Variants in SBF2 observed in about 807,000 individuals in gnomAD.
SBF2 encodes the protein SET binding factor 2, also known as myotubularin-related protein 13.
SBF2 carries 112 observed loss-of-function variants against 225.2 expected under a neutral mutation model. The observed-to-expected ratio is 0.50, with a 90% CI of 0.43 to 0.58. The LOEUF (loss-of-function observed/expected upper bound fraction) is 0.58. SBF2 is among the 20% of genes least tolerant of loss of function. The pLI is 0.00. For missense variants in SBF2, 1,996 were observed against 2,206.2 expected, an observed-to-expected ratio of 0.90 and a Z score of 1.91; for synonymous variants, 763 against 773.3, an observed-to-expected ratio of 0.99 and a Z score of 0.22.
intron 27 of SBF2, among the ~76,000 whole-genome samples, chr11:9,830,434 G>A (rs946008790): frequency 6.6e-6 from 1 of 152,028 alleles, no homozygotes; most frequent in African/African-American, 2.4e-5. Flanking sequence ...AAGATGCATT[G>A]CAATTTCAAA....
chr11:9,998,334 G>C lies in SBF2; in HGVS notation c.907C>G (p.Pro303Ala), dbSNP rs748766884. Residue 303 changes from proline to alanine, a missense_variant, in exon 9 of 40, where the codon CCC becomes GCC. Transcript: ENST00000256190. ...AGGGAAGAGAGGTGAATACATTCGG[G>C]AATTTTAATAGTGCCTCCATCCAAA... is the stretch of plus-strand genomic sequence containing the variant. ...ADLDGGTIKI[P>A]ECIHLSSLPE... The C allele has an allele frequency of 6.2e-7, 1 of 1,608,634 alleles. No homozygotes were observed. Among genetic ancestry groups the C allele is most frequent in the South Asian group, 1.1e-5 (1 of 90,740 alleles).
intron 8 of SBF2, among the ~76,000 whole-genome samples, chr11:9,999,750 A>T (rs559393139): frequency 3.3e-5 from 5 of 152,348 alleles, no homozygotes; most frequent in African/African-American, 1.2e-4. Flanking sequence ...AGTGATACCA[A>T]AATTAAATAG....
chr11:10,169,056 ATTTTTAT>A (rs1956088300), intron 2 of SBF2, among the ~76,000 whole-genome samples: 1 of 152,072 alleles, frequency 6.6e-6, no homozygotes, highest in African/African-American at 2.4e-5. Flanking sequence ...TGAATTTTTA[ATTTTTAT>A]GGGTACACAG....
At chr11:10,118,207 T>C (rs1403272930) in intron 2 of SBF2, among the ~76,000 whole-genome samples, 1 of 152,202 alleles carries the variant, frequency 6.6e-6, no homozygotes, top group Non-Finnish European at 1.5e-5. Context: ...CATCAGCAAA[T>C]TGAGTTCAGC....
chr11:10,026,124 TC>T (rs1949045463), intron 6 of SBF2, among the ~76,000 whole-genome samples: 1 of 151,746 alleles, frequency 6.6e-6, no homozygotes, highest in Non-Finnish European at 1.5e-5. Context: ...ATGTTTAATA[TC>T]CCTGGTCCTT....
intron 6 of SBF2, among the ~76,000 whole-genome samples, chr11:10,019,904 T>TTTTACCTCTGGCATCTTTTCATC (rs1357954940): frequency 3.3e-5 from 5 of 152,180 alleles, no homozygotes; most frequent in African/African-American, 1.2e-4. Context: ...AAGCTTTCAT[T>TTTTACCTCTGGCATCTTTTCATC]TTTACCTCTG....
intron 17 of SBF2, among the ~76,000 whole-genome samples, chr11:9,879,752 G>C (rs538058641): frequency 2.3e-4 from 35 of 152,214 alleles, no homozygotes; most frequent in African/African-American, 8.4e-4. Flanking sequence ...TTTTAGAGTA[G>C]AAGAATAAAA....
At chr11:10,192,444 A>G (rs1239791218) in intron 2 of SBF2, among the ~76,000 whole-genome samples, 1 of 152,310 alleles carries the variant, frequency 6.6e-6, no homozygotes, top group East Asian at 1.9e-4. Context: ...TCAATACAAA[A>G]TATCTAACAG....
At chr11:9,967,137 C>A (rs1353755713) in intron 14 of SBF2, among the ~76,000 whole-genome samples, 1 of 152,002 alleles carries the variant, frequency 6.6e-6, no homozygotes, top group Admixed American at 6.6e-5. Flanking sequence ...TTTGGGAGGC[C>A]GAGGAGGGCA....
intron 16 of SBF2, among the ~76,000 whole-genome samples, chr11:9,942,186 G>A (rs576898167): frequency 1.3e-5 from 2 of 152,248 alleles, no homozygotes; most frequent in East Asian, 3.9e-4. Context: ...TCCCATCTCA[G>A]CCTCTCATGT....
At chr11:9,780,632 G>A (rs903900473) in intron 39 of SBF2, 116 bp from the exon 40 acceptor site, 1 of 826,224 alleles carries the variant, frequency 1.2e-6, no homozygotes. Context: ...CAGAACGTCT[G>A]TATGAATTTT....
intron 32 of SBF2, among the ~76,000 whole-genome samples, chr11:9,799,614 G>C (rs1377289647): frequency 6.6e-6 from 1 of 152,226 alleles, no homozygotes; most frequent in Non-Finnish European, 1.5e-5. Context: ...TTAGTACCTA[G>C]ATACCACGTT....
At chr11:9,999,059 C>T (rs1947830279) in intron 8 of SBF2, among the ~76,000 whole-genome samples, 1 of 152,092 alleles carries the variant, frequency 6.6e-6, no homozygotes, top group Non-Finnish European at 1.5e-5. Flanking sequence ...AAAAGCTGAT[C>T]TTTAGCATTT....
intron 13 of SBF2, among the ~76,000 whole-genome samples, chr11:9,977,691 C>T (rs906697125): frequency 3.7e-4 from 56 of 152,140 alleles, no homozygotes; most frequent in African/African-American, 1.3e-3. Context: ...GTTACCAATG[C>T]TTACACTGTT....
At chr11:10,277,618 C>A (rs556656927) in intron 1 of SBF2, among the ~76,000 whole-genome samples, 3 of 152,248 alleles carry the variant, frequency 2.0e-5, no homozygotes, top group Admixed American at 2.0e-4. Flanking sequence ...AGGGTCTTTG[C>A]AGATATAGTT....
intron 27 of SBF2, among the ~76,000 whole-genome samples, chr11:9,831,043 G>C (rs1201379943): frequency 6.6e-6 from 1 of 152,058 alleles, no homozygotes; most frequent in Non-Finnish European, 1.5e-5. Context: ...CTTTCACTCA[G>C]GGTGGAGTGC....
intron 2 of SBF2, among the ~76,000 whole-genome samples, chr11:10,134,506 G>A (rs921856981): frequency 3.9e-5 from 6 of 152,132 alleles, no homozygotes; most frequent in Non-Finnish European, 7.4e-5. Flanking sequence ...AGTCCTTTCT[G>A]CCTATGAGCC....
In SBF2 at chr11:9,847,009, G is replaced by T; in HGVS notation, c.2881C>A (p.Gln961Lys). The T allele has an allele frequency of 6.2e-7, 1 of 1,613,772 alleles. No homozygotes were observed. Among genetic ancestry groups the T allele is most frequent in the Non-Finnish European group, 8.5e-7 (1 of 1,179,706 alleles). ...TKEKKITMQN[Q>K]LQQNMQEGLQ... Reference sequence around the variant, plus strand: ...CCTTCTTGCATGTTCTGCTGTAGCTGGTTCTGCATTGTAATCTTCTTCTCC... The same window carrying T: ...CCTTCTTGCATGTTCTGCTGTAGCTTGTTCTGCATTGTAATCTTCTTCTCC... Residue 961 changes from glutamine (Q) to lysine (K), a missense_variant, in exon 23 of 40, where the codon CAG (glutamine) becomes AAG (lysine). By Grantham distance (53) the Gln-to-Lys change is moderately conservative. Coordinates refer to ENST00000256190, the MANE Select transcript of SBF2 (RefSeq NM_030962.4).
chr11:9,801,116 CTA>C (rs1392389090), intron 32 of SBF2, among the ~76,000 whole-genome samples: 1 of 152,136 alleles, frequency 6.6e-6, no homozygotes, highest in African/African-American at 2.4e-5. Flanking sequence ...TAAATTAATT[CTA>C]TGTCAGCATT....
Sources: gnomAD v4.1 joint callset for allele counts (sites outside exome capture counted in the v4.1 genomes callset) on GRCh38, gnomAD v4.1.1 for gene constraint, MANE v1.5 for transcripts, NCBI Gene and HGNC (gene_info 2026-07-23, HGNC 2026-07-21) for gene names.